The following CLASP1 variants were observed in gnomAD, a reference collection of about 807,000 sequenced individuals.
CLASP1 encodes cytoplasmic linker associated protein 1.
A neutral mutation model predicts 192.3 loss-of-function variants in CLASP1; 38 were observed. The ratio of observed to expected loss-of-function variants is 0.20; its 90% CI spans 0.15 to 0.26. The LOEUF is 0.26. Ranked by LOEUF, CLASP1 falls within the 10% of genes least tolerant of loss-of-function variation. The pLI is 1.00. For missense variants in CLASP1, 1,433 were observed against 1,932.5 expected, an observed-to-expected ratio of 0.74 and a Z score of 4.85; for synonymous variants, 691 against 712.8, an observed-to-expected ratio of 0.97 and a Z score of 0.49.
chr2:121,563,948 T>G (rs1376742450), intron 2 of CLASP1, among the ~76,000 whole-genome samples: 1 of 152,186 alleles, frequency 6.6e-6, no homozygotes, highest in Non-Finnish European at 1.5e-5. Context: ...GAGCAAGTCA[T>G]GTCTTACGTG....
At chr2:121,589,829 T>C (rs952372745) in intron 2 of CLASP1, among the ~76,000 whole-genome samples, 1 of 151,642 alleles carries the variant, frequency 6.6e-6, no homozygotes, top group Non-Finnish European at 1.5e-5. Context: ...AATATTATCC[T>C]CATTTTGTGG....
intron 2 of CLASP1, among the ~76,000 whole-genome samples, chr2:121,569,145 AG>A (rs1242907933): frequency 6.6e-6 from 1 of 152,192 alleles, no homozygotes; most frequent in Non-Finnish European, 1.5e-5. Context: ...CTGCCATAAG[AG>A]GTCTCTGCCT....
At chr2:121,586,569 T>C (rs1175111449) in intron 2 of CLASP1, among the ~76,000 whole-genome samples, 1 of 152,216 alleles carries the variant, frequency 6.6e-6, no homozygotes, top group Non-Finnish European at 1.5e-5. Flanking sequence ...GTTTGGCATA[T>C]GCCATACCAG....
chr2:121,564,290 G>A (rs1461724383), intron 2 of CLASP1, among the ~76,000 whole-genome samples: 3 of 152,144 alleles, frequency 2.0e-5, no homozygotes, highest in African/African-American at 4.8e-5. Context: ...TTCCATGTAC[G>A]AACCATGTTT....
rs1414476761 is a variant in CLASP1 at position 121,535,478 on chromosome 2, A to G, written c.196-5153T>C. ...ACTGTAAATACATGAAGAGAACTAA[A>G]CAGGAAACTAAGTCTGCAGAAAAAA... On this transcript the variant is annotated intron_variant, in intron 2 of 39. Transcript: ENST00000263710. Among the ~76,000 whole-genome samples, 3 of 152,228 alleles carry G rather than the reference A, an allele frequency of 2.0e-5. No homozygotes were observed. In the East Asian group the frequency reaches 5.8e-4, roughly 29 times the overall value.
intron 8 of CLASP1, among the ~76,000 whole-genome samples, chr2:121,479,027 CA>C: frequency 1.1e-5 from 1 of 92,682 alleles, no homozygotes; most frequent in African/African-American, 4.7e-5. Flanking sequence ...CACACACACA[CA>C]CACCCCACAC....
At chr2:121,430,166 T>G (rs1397361529) in exon 20 of CLASP1, 2 of 1,566,748 alleles carry the variant, frequency 1.3e-6, no homozygotes, top group Non-Finnish European at 1.7e-6. Context: ...TGCCGTCTTG[T>G]GCGGATCCGA....
intron 22 of CLASP1, among the ~76,000 whole-genome samples, chr2:121,421,436 C>T (rs981615646): frequency 2.0e-5 from 3 of 151,870 alleles, no homozygotes; most frequent in Admixed American, 6.6e-5. Flanking sequence ...TTAGTAGGGA[C>T]GGGGTTTCAC....
chr2:121,358,322 T>A (rs77532982), intron 37 of CLASP1, among the ~76,000 whole-genome samples: 5,630 of 152,238 alleles, frequency 0.037, 155 homozygotes, highest in East Asian at 0.14. Context: ...ACACAGATAA[T>A]CACCTAGTCC....
chr2:121,509,439 G>A (rs1261166441), intron 7 of CLASP1, among the ~76,000 whole-genome samples: 3 of 152,168 alleles, frequency 2.0e-5, no homozygotes, highest in Non-Finnish European at 4.4e-5. Flanking sequence ...CTCCCAAAGG[G>A]ATGGGATTAC....
chr2:121,510,389 G>A (rs956154520), intron 7 of CLASP1, among the ~76,000 whole-genome samples: 1 of 152,086 alleles, frequency 6.6e-6, no homozygotes, highest in Non-Finnish European at 1.5e-5. Context: ...CAAATAAAAA[G>A]GATTACAGGG....
chr2:121,539,168 A>G (rs1335997730), intron 2 of CLASP1, among the ~76,000 whole-genome samples: 1 of 152,228 alleles, frequency 6.6e-6, no homozygotes, highest in Non-Finnish European at 1.5e-5. Context: ...GAACTAAATA[A>G]GTTGATTCCA....
chr2:121,582,105 G>C (rs1264235239), intron 2 of CLASP1, among the ~76,000 whole-genome samples: 3 of 152,042 alleles, frequency 2.0e-5, no homozygotes, highest in African/African-American at 4.8e-5. Context: ...GGAGGTGGCA[G>C]TGAGCCAAGA....
At chr2:121,404,345 C>T (rs1161028873) in intron 26 of CLASP1, 26 bp downstream of exon 27, 2 of 1,608,252 alleles carry the variant, frequency 1.2e-6, no homozygotes, top group South Asian at 1.1e-5. Flanking sequence ...GGGGTAAAGA[C>T]AGGGCAGGCA....
chr2:121,584,882 G>C (rs1212881225), intron 2 of CLASP1, among the ~76,000 whole-genome samples: 1 of 152,168 alleles, frequency 6.6e-6, no homozygotes, highest in South Asian at 2.1e-4. Flanking sequence ...GTCATCAAAG[G>C]CAAGTAGTGA....
At chr2:121,340,583 C>T (rs982866010) in exon 40 of CLASP1, 5 of 336,654 alleles carry the variant, frequency 1.5e-5, no homozygotes, top group East Asian at 5.0e-5. Context: ...CACAGGGTTT[C>T]GCCATCTCAG....
At chr2:121,397,185 T>C in exon 30 of CLASP1, 1 of 1,613,926 alleles carries the variant, frequency 6.2e-7, no homozygotes, top group South Asian at 1.1e-5. Context: ...AGGTTATGAT[T>C]CTAGAAACAG....
chr2:121,575,664 G>A (rs1576148286), intron 2 of CLASP1, among the ~76,000 whole-genome samples: 1 of 152,126 alleles, frequency 6.6e-6, no homozygotes, highest in African/African-American at 2.4e-5. Context: ...CCAAGTCTAC[G>A]CACCAGAGTA....
At chr2:121,568,121 G>A (rs931411440) in intron 2 of CLASP1, among the ~76,000 whole-genome samples, 3 of 152,302 alleles carry the variant, frequency 2.0e-5, no homozygotes, top group South Asian at 2.1e-4. Context: ...TCATCCACTC[G>A]TCTAGAGGGC....
Sources: allele counts gnomAD v4.1 joint callset (sites outside exome capture counted in the v4.1 genomes callset), GRCh38; gene constraint gnomAD v4.1.1; transcripts MANE v1.5; gene names NCBI Gene and HGNC (gene_info 2026-07-23, HGNC 2026-07-21).